Variants in ANXA8 observed in about 807,000 individuals in gnomAD.
ANXA8 encodes VAC-beta.
A neutral mutation model predicts 26.8 loss-of-function variants in ANXA8; 9 were observed. The observed-to-expected ratio is 0.34, with a 90% CI of 0.20 to 0.59. The LOEUF is 0.59. ANXA8 is among the 20% of genes least tolerant of loss of function. ANXA8 has a pLI of 0.84. For synonymous variants in ANXA8, 39 were observed against 94.8 expected, an observed-to-expected ratio of 0.41 and a Z score of 3.42; for missense variants, 83 against 238.5, an observed-to-expected ratio of 0.35 and a Z score of 4.29.
the ANXA8 span, among the ~76,000 whole-genome samples, chr10:47,950,906 A>G: frequency 6.6e-6 from 1 of 150,770 alleles, no homozygotes; most frequent in Non-Finnish European, 1.5e-5. Context: ...TTACTTTTAG[A>G]AGTTGGAAAA....
the ANXA8 span, chr10:47,582,260 C>T: frequency 2.8e-4 from 51 of 182,712 alleles, 1 homozygote; most frequent in Non-Finnish European, 5.0e-4. Flanking sequence ...ACTGTGGTCA[C>T]GTGTTAGAGC....
chr10:47,591,667 C>T, the ANXA8 span, among the ~76,000 whole-genome samples: 3 of 140,802 alleles, frequency 2.1e-5, no homozygotes, highest in Non-Finnish European at 4.5e-5. Flanking sequence ...AGGATGATCT[C>T]GATCTCCTGA....
chr10:47,488,490 C>T (rs1347269820), upstream of ANXA8, among the ~76,000 whole-genome samples: 8 of 150,714 alleles, frequency 5.3e-5, no homozygotes, highest in Non-Finnish European at 1.0e-4. Flanking sequence ...GGATTACAGG[C>T]GTGAGCCACT....
At chr10:47,657,482 C>T in the ANXA8 span, among the ~76,000 whole-genome samples, 1 of 151,852 alleles carries the variant, frequency 6.6e-6, no homozygotes, top group Non-Finnish European at 1.5e-5. Context: ...AGCTCCACCT[C>T]TTTACTATAG....
At chr10:47,503,845 AAT>A in the ANXA8 span, among the ~76,000 whole-genome samples, 2 of 114,916 alleles carry the variant, frequency 1.7e-5, no homozygotes, top group African/African-American at 7.3e-5. Flanking sequence ...GAGGCAGGAG[AAT>A]TGCTTGAACA....
the ANXA8 span, among the ~76,000 whole-genome samples, chr10:47,667,958 G>C: frequency 6.6e-6 from 1 of 151,934 alleles, no homozygotes; most frequent in African/African-American, 2.4e-5. Flanking sequence ...GGTTGGTCTT[G>C]AACTCCTGAC....
intron 6 of ANXA8, among the ~76,000 whole-genome samples, chr10:47,475,212 C>G (rs1320522864): frequency 6.8e-6 from 1 of 147,608 alleles, no homozygotes; most frequent in African/African-American, 2.4e-5. Context: ...TTGGCGGATT[C>G]AGTGAGCTAA....
the ANXA8 span, among the ~76,000 whole-genome samples, chr10:47,743,301 T>TATATATACATATATATACAC: frequency 1.2e-4 from 5 of 41,364 alleles, no homozygotes; most frequent in Admixed American, 7.0e-4. Flanking sequence ...TATACACATA[T>TATATATACATATATATACAC]ATATATATAT....
the ANXA8 span, among the ~76,000 whole-genome samples, chr10:47,496,652 G>A: frequency 0.022 from 2,610 of 117,894 alleles, 20 homozygotes; most frequent in East Asian, 0.12. Context: ...GTCTCTCGCC[G>A]TTTTGTAGGA....
At chr10:47,586,648 A>G in the ANXA8 span, among the ~76,000 whole-genome samples, 4 of 145,802 alleles carry the variant, frequency 2.7e-5, no homozygotes, top group Non-Finnish European at 4.4e-5. Context: ...CTCCGAGTCC[A>G]GTTTGCCACA....
the ANXA8 span, among the ~76,000 whole-genome samples, chr10:47,647,672 C>A: frequency 6.7e-6 from 1 of 148,518 alleles, no homozygotes. Context: ...CTAATGTGGG[C>A]AACAAAAAAG....
the ANXA8 span, among the ~76,000 whole-genome samples, chr10:47,744,236 G>A: frequency 6.7e-6 from 1 of 149,652 alleles, no homozygotes. Context: ...CCTGCAGGGC[G>A]TCTCTGTCTT....
At chr10:47,493,459 TC>T in the ANXA8 span, among the ~76,000 whole-genome samples, 1 of 148,900 alleles carries the variant, frequency 6.7e-6, no homozygotes, top group Non-Finnish European at 1.5e-5. Flanking sequence ...CTTCCCTGTT[TC>T]TTCTGAGGCT....
the ANXA8 span, among the ~76,000 whole-genome samples, chr10:47,945,776 G>A: frequency 3.9e-5 from 5 of 129,850 alleles, no homozygotes; most frequent in African/African-American, 1.6e-4. Flanking sequence ...AAATTGATCA[G>A]GAAATGAACT....
At chr10:47,960,049 T>C in the ANXA8 span, among the ~76,000 whole-genome samples, 5 of 148,448 alleles carry the variant, frequency 3.4e-5, 1 homozygote, top group Admixed American at 1.3e-4. Context: ...TCAGACGCCA[T>C]CTGACTAACC....
the ANXA8 span, among the ~76,000 whole-genome samples, chr10:47,699,516 T>C: frequency 6.6e-6 from 1 of 151,562 alleles, no homozygotes; most frequent in Admixed American, 6.6e-5. Context: ...TATAACAGGA[T>C]GCAAAATTAA....
chr10:47,687,847 CCCAACACTTTGGGAGG>C, the ANXA8 span, among the ~76,000 whole-genome samples: 1 of 151,904 alleles, frequency 6.6e-6, no homozygotes, highest in Admixed American at 6.6e-5. Flanking sequence ...CACCTGTAAT[CCCAACACTTTGGGAGG>C]CCAAGGTGGG....
the ANXA8 span, among the ~76,000 whole-genome samples, chr10:47,951,480 C>T: frequency 6.7e-6 from 1 of 149,998 alleles, no homozygotes; most frequent in Non-Finnish European, 1.5e-5. Flanking sequence ...AGAAAAGATA[C>T]TACAAGAAAA....
At chr10:47,947,371 T>C in the ANXA8 span, among the ~76,000 whole-genome samples, 2 of 141,458 alleles carry the variant, frequency 1.4e-5, no homozygotes, top group South Asian at 2.3e-4. Flanking sequence ...TATGGTTGCA[T>C]GTGTCCCACA....
Sources: allele counts gnomAD v4.1 joint callset (sites outside exome capture counted in the v4.1 genomes callset), GRCh38; gene constraint gnomAD v4.1.1; transcripts MANE v1.5; gene names NCBI Gene and HGNC (gene_info 2026-07-23, HGNC 2026-07-21).